CCAR2: variants seen among roughly 807,000 people sequenced by gnomAD.
CCAR2 encodes the protein cell cycle and apoptosis regulator 2, also known as cell cycle and apoptosis regulator protein 2.
In CCAR2, 21 loss-of-function variants were observed where a neutral mutation model predicts 108.1. The observed-to-expected ratio is 0.19, with a 90% CI of 0.14 to 0.28. CCAR2 has a LOEUF of 0.28. Among genes scored for constraint, CCAR2 ranks in the 10% least tolerant of loss-of-function variants. The pLI is 1.00. For missense variants in CCAR2, 1,126 were observed against 1,177.0 expected (o/e 0.96, Z 0.63); for synonymous variants, 577 against 472.8 (o/e 1.22, Z -2.86).
At position 22,606,694 on chromosome 8, in the gene CCAR2, C is replaced by T. The variant is rs1367430828; in HGVS notation, c.238C>T (p.Leu80=). The change falls in exon 4 of 21, where the codon CTA becomes TTA. Residue 80 remains leucine (L), a synonymous_variant. Transcript: ENST00000308511. ...GVVDEEVFFQ[L]SVVKGRLPQL... ...TGTGGATGAAGAGGTCTTTTTTCAG[C>T]TAAGGTAGGCTTGAGGTTGGTCCCC... 6.2e-7 allele frequency: 1 copy of T among 1,613,380 alleles called. No individual in the cohort carries two copies. The highest frequency in any genetic ancestry group is 8.5e-7 in the Non-Finnish European group (1 of 1,179,490).
At chr8:22,606,476 A>C in intron 3 of CCAR2, 131 bp from the exon 4 acceptor site, 1 of 737,008 alleles carries the variant, frequency 1.4e-6, no homozygotes, top group Non-Finnish European at 2.4e-6. Context: ...CCACACCTGT[A>C]CTTCACTCTG....
At chr8:22,615,624 G>T in intron 12 of CCAR2, 28 bp downstream of exon 12, 2 of 1,613,610 alleles carry the variant, frequency 1.2e-6, no homozygotes, top group Non-Finnish European at 1.7e-6. Flanking sequence ...CCAGCAGCGG[G>T]GGATATAGGT....
intron 7 of CCAR2, among the ~76,000 whole-genome samples, chr8:22,610,085 C>G (rs1036716434): frequency 6.6e-6 from 1 of 152,160 alleles, no homozygotes; most frequent in South Asian, 2.1e-4. Flanking sequence ...CAGGATGCTT[C>G]TGGTCCCAAG....
At chr8:22,612,708 T>C (rs946485751) in intron 7 of CCAR2, 4 of 214,798 alleles carry the variant, frequency 1.9e-5, no homozygotes, top group Non-Finnish European at 3.6e-5. Flanking sequence ...ATTCGTAAGC[T>C]TTCCAGAGGC....
intron 3 of CCAR2, 97 bp downstream of exon 3, chr8:22,606,273 C>T (rs1188918414): frequency 1.9e-6 from 2 of 1,063,300 alleles, no homozygotes; most frequent in Non-Finnish European, 2.9e-6. Flanking sequence ...GTTTATCATT[C>T]CTGATCCCTC....
At chr8:22,621,508 G>C (rs1332794004), downstream of CCAR2, 1 of 1,613,928 alleles carries the variant, frequency 6.2e-7, no homozygotes, top group African/African-American at 1.3e-5. Context: ...GAGTGGCCTG[G>C]CTGGTCAAGC....
rs780521807 is a variant in CCAR2, at chr8:22,619,978, GCTGA to G, written c.*299_*302del. ...TCTCCTGGGGCCCTTTTAGTCTTGT[GCTGA>G]CTTTCTCCTGTCCTCTTCCAGTTTA... On this transcript the variant is annotated 3_prime_UTR_variant, in exon 21 of 21. Coordinates refer to ENST00000308511, the MANE Select transcript of CCAR2 (RefSeq NM_001393997.1). 6.5e-6 allele frequency: 3 copies of G among 460,442 alleles called. No homozygotes were observed. Among genetic ancestry groups the G allele is most frequent in the Non-Finnish European group, 1.2e-5 (3 of 251,558 alleles). 28.5% of individuals were successfully genotyped at this position (460,442 alleles called of 1,614,324 possible).
intron 19 of CCAR2, 36 bp from the exon 20 acceptor site, chr8:22,619,114 G>A (rs1286323668): frequency 6.2e-7 from 1 of 1,601,812 alleles, no homozygotes; most frequent in Non-Finnish European, 8.5e-7. Context: ...GGGCCTTGAT[G>A]GAGCAGCCGT....
chr8:22,615,467 C>A lies in CCAR2; in HGVS notation c.1248C>A (p.Pro416=). Residue 416 remains proline, a synonymous_variant, in exon 12 of 21, where the codon CCC becomes CCA. Coordinates refer to ENST00000308511, the MANE Select transcript of CCAR2 (RefSeq NM_001393997.1). The part of the protein sequence containing the change: ...AEFQYLQPGP[P]RRLQTVVVYL... ...TTCAGTACCTGCAGCCGGGACCCCC[C>A]CGGCGGCTTCAGACAGTGGTGGTGT... 2 of 1,613,960 alleles carry A rather than the reference C, an allele frequency of 1.2e-6. No individual in the cohort carries two copies. The highest frequency in any genetic ancestry group is 1.7e-6 in the Non-Finnish European group (2 of 1,180,018).
Position 22,616,201 on chromosome 8 carries a change from G to T in CCAR2, c.1798G>T (p.Asp600Tyr). ...IKEEVVKEPK[D>Y]EAQNEGPATE... ...AGAGGAGGTGGTCAAGGAGCCCAAG[G>T]ATGAGGCACAGAATGAGGGCCCGGC... The change falls in exon 14 of 21, where the codon GAT becomes TAT. Residue 600 changes from aspartate to tyrosine, a missense_variant. Asp to Tyr is a radical substitution (Grantham distance 160). This residue lies in a region of CCAR2 where 1,013 missense variants were observed against 993.9 expected (regional missense o/e 1.02). Coordinates refer to ENST00000308511, the MANE Select transcript of CCAR2 (RefSeq NM_001393997.1). 2 of 1,613,810 alleles carry T rather than the reference G, an allele frequency of 1.2e-6. No individual in the cohort carries two copies. Among genetic ancestry groups the T allele is most frequent in the Non-Finnish European group, 1.7e-6 (2 of 1,180,024 alleles).
Position 22,619,300 on chromosome 8 carries a change from A to G in CCAR2, c.2672A>G (p.Glu891Gly). ...AGCCAGCTCCAGCGGCTGCTGCAGG[A>G]GCTCCGCAGGCGTCTGACCCCCCTG... ...QKSQLQRLLQ[E>G]LRRRLTPLQL... The change falls in exon 20 of 21, where the codon GAG (glutamate) becomes GGG (glycine). Residue 891 changes from glutamate (E) to glycine (G), a missense_variant. Physicochemically the swap from Glu to Gly is moderately conservative, Grantham distance 98 (BLOSUM62 -2). This residue lies in a region of CCAR2 where 1,013 missense variants were observed against 993.9 expected (regional missense o/e 1.02). Transcript: ENST00000308511. The G allele has an allele frequency of 1.9e-6, 3 of 1,564,398 alleles. No individual in the cohort carries two copies. The highest frequency in any genetic ancestry group is 2.6e-6 in the Non-Finnish European group (3 of 1,155,186).
At chr8:22,609,732 T>G (rs957160784) in intron 7 of CCAR2, among the ~76,000 whole-genome samples, 2 of 152,182 alleles carry the variant, frequency 1.3e-5, no homozygotes, top group African/African-American at 4.8e-5. Flanking sequence ...GTAGCCTGGG[T>G]GAAACTCTGT....
intron 8 of CCAR2, 102 bp downstream of exon 8, chr8:22,613,238 C>T (rs1398465784): frequency 1.3e-5 from 17 of 1,260,470 alleles, no homozygotes; most frequent in Non-Finnish European, 1.7e-5. Context: ...TTCTTACAGC[C>T]TTTTCTTACA....
In CCAR2 at chr8:22,613,117, A is replaced by C. The variant is rs1415593803; in HGVS notation, c.685A>C (p.Thr229Pro). ...CCTGCCTCCTTACCGGGTCCACCTC[A>C]CTCCTTACACTGTGGACAGGTGAGT... is the stretch of plus-strand genomic sequence containing the variant. ...HDLPPYRVHLTPYTVDSPICD... is the reference protein window; with the variant it reads ...HDLPPYRVHLPPYTVDSPICD... Residue 229 changes from threonine to proline, a missense_variant, in exon 8 of 21, where the codon ACT (threonine) becomes CCT (proline). Thr to Pro is a conservative substitution (Grantham distance 38). Coordinates refer to ENST00000308511, the MANE Select transcript of CCAR2 (RefSeq NM_001393997.1). The C allele has an allele frequency of 6.2e-7, 1 of 1,606,034 alleles. No homozygotes were observed. The highest frequency in any genetic ancestry group is 1.1e-5 in the South Asian group (1 of 89,872).
At chr8:22,610,196 G>A (rs1261615220) in intron 7 of CCAR2, among the ~76,000 whole-genome samples, 1 of 152,226 alleles carries the variant, frequency 6.6e-6, no homozygotes, top group Non-Finnish European at 1.5e-5. Flanking sequence ...GCCAGGGGTA[G>A]TAGGAAGTAG....
intron 2 of CCAR2, 28 bp downstream of exon 2, chr8:22,605,859 CA>C: frequency 6.2e-7 from 1 of 1,607,520 alleles, no homozygotes; most frequent in Non-Finnish European, 8.5e-7. Flanking sequence ...TACCTGGCCT[CA>C]TCCTGGGAAG....
intron 7 of CCAR2, among the ~76,000 whole-genome samples, chr8:22,610,709 A>T (rs1024079150): frequency 4.6e-5 from 7 of 152,308 alleles, no homozygotes; most frequent in African/African-American, 1.4e-4. Context: ...CATCATGATA[A>T]ATCTCTTCAG....
chr8:22,605,637 C>G (rs960938314), intron 1 of CCAR2, 99 bp from the exon 2 acceptor site: 7 of 694,574 alleles, frequency 1.0e-5, no homozygotes, highest in Non-Finnish European at 1.8e-5. Context: ...ACCCACCTCC[C>G]TGTTTTCCGA....
chr8:22,618,088 T>A, intron 16 of CCAR2: 1 of 594,552 alleles, frequency 1.7e-6, no homozygotes, highest in South Asian at 2.0e-5. Context: ...GCTTGATGTT[T>A]TGTTTTTTAG....
Sources: gnomAD v4.1 joint callset for allele counts (sites outside exome capture counted in the v4.1 genomes callset) on GRCh38, gnomAD v4.1.1 for gene constraint, gnomAD v4.1.1 regional missense constraint, MANE v1.5 for transcripts, NCBI Gene and HGNC (gene_info 2026-07-23, HGNC 2026-07-21) for gene names.